Variants in MESP1 observed in about 807,000 individuals in gnomAD.
The protein encoded by MESP1 is mesoderm posterior bHLH transcription factor 1.
In MESP1, 22 loss-of-function variants were observed where a neutral mutation model predicts 15.2. The ratio of observed to expected loss-of-function variants is 1.45; its 90% CI spans 1.04 to 2.07. The LOEUF (loss-of-function observed/expected upper bound fraction) is 2.07, where lower values mean the gene tolerates loss of function less well. Among genes scored for constraint, MESP1 ranks in the 30% most tolerant of loss-of-function variants. The pLI is 0.00. For synonymous variants in MESP1, 216 were observed against 192.6 expected, an observed-to-expected ratio of 1.12 and a Z score of -1.01; for missense variants, 484 against 411.9, an observed-to-expected ratio of 1.17 and a Z score of -1.51.
chr15:89,746,689 A>C (rs1043857004), downstream of MESP1, among the ~76,000 whole-genome samples: 1 of 138,420 alleles, frequency 7.2e-6, no homozygotes, highest in Non-Finnish European at 1.6e-5. Flanking sequence ...GCACCTCCAC[A>C]CACACACACA....
At chr15:89,736,873 G>A in the MESP1 span, among the ~76,000 whole-genome samples, 1 of 151,114 alleles carries the variant, frequency 6.6e-6, no homozygotes, top group Non-Finnish European at 1.5e-5. Flanking sequence ...CTCACTGCAA[G>A]CTCTGCCTCC....
the MESP1 span, chr15:89,737,651 C>T: frequency 6.2e-7 from 1 of 1,614,210 alleles, no homozygotes; most frequent in Non-Finnish European, 8.5e-7. Flanking sequence ...CTTTGCCCCT[C>T]CGGGAGCCTT....
At chr15:89,734,738 A>T in the MESP1 span, among the ~76,000 whole-genome samples, 1 of 152,160 alleles carries the variant, frequency 6.6e-6, no homozygotes, top group Non-Finnish European at 1.5e-5. Flanking sequence ...TAATCCAAGC[A>T]CTTTGGGAGG....
In MESP1 at chr15:89,750,875, G is replaced by T. The variant is rs281865535; in HGVS notation, c.357C>A (p.Ser119Arg). 2 of 1,511,916 alleles carry T rather than the reference G, an allele frequency of 1.3e-6. No individual in the cohort carries two copies. Among genetic ancestry groups the T allele is most frequent in the African/African-American group, 1.4e-5 (1 of 69,404 alleles). 93.7% of individuals were successfully genotyped at this position (1,511,916 alleles called of 1,614,324 possible). A position where few individuals can be genotyped will look rare whatever the true frequency, so the allele number is the denominator to read the frequency against. ...LPPSVAPAGQ[S>R]LTKIETLRLA... ...GGCGCAGCGTCTCGATCTTGGTCAG[G>T]CTCTGGCCCGCGGGCGCCACGGACG... is the stretch of plus-strand genomic sequence containing the variant. Residue 119 changes from serine (S) to arginine (R), a missense_variant, in exon 1 of 2, where the codon AGC becomes AGA. Ser to Arg is a moderately radical substitution (Grantham distance 110). Coordinates refer to ENST00000300057, the MANE Select transcript of MESP1 (RefSeq NM_018670.4).
At chr15:89,749,673 C>T (rs74508326), downstream of MESP1, 3,163 of 158,196 alleles carry the variant, frequency 0.02, 119 homozygotes, top group African/African-American at 0.072. Context: ...TGCCTTCTCA[C>T]AGGACGTCCC....
the MESP1 span, among the ~76,000 whole-genome samples, chr15:89,744,106 T>C: frequency 6.6e-5 from 10 of 152,318 alleles, no homozygotes; most frequent in South Asian, 2.1e-4. Context: ...GTGTGGAACC[T>C]TGGAGGCTGA....
chr15:89,750,504 CT>C lies in MESP1; in HGVS notation c.723+4del. On this transcript the variant is annotated splice_donor_region_variant and intron_variant, in intron 1 of 1. Coordinates refer to ENST00000300057, the MANE Select transcript of MESP1 (RefSeq NM_018670.4). ...CGAAGGGGGCGCGGGGAAGGGGACA[CT>C]AACCGGGGACGGTGGGCTTGGCTCC... 1 of 1,500,570 alleles carries C rather than the reference CT, an allele frequency of 6.7e-7. No homozygotes were observed. The highest frequency in any genetic ancestry group is 1.4e-5 in the African/African-American group (1 of 71,704). 93.0% of individuals were successfully genotyped at this position (1,500,570 alleles called of 1,614,324 possible).
chr15:89,734,962 TTCCTTCCTTCCTTCCCTCCGTCCC>T, the MESP1 span, among the ~76,000 whole-genome samples: 61 of 152,126 alleles, frequency 4.0e-4, no homozygotes, highest in South Asian at 6.2e-4. Flanking sequence ...CCAACTTGTC[TTCCTTCCTTCCTTCCCTCCGTCCC>T]TCCTTCCTTC....
chr15:89,747,505 T>C (rs1289007812), downstream of MESP1, among the ~76,000 whole-genome samples: 1 of 152,210 alleles, frequency 6.6e-6, no homozygotes, highest in East Asian at 1.9e-4. Context: ...CGGGCACCCC[T>C]GTGCCGGTGC....
chr15:89,732,949 C>A, the MESP1 span: 1 of 1,536,794 alleles, frequency 6.5e-7, no homozygotes, highest in Non-Finnish European at 9.0e-7. Context: ...GCCCCTGTGC[C>A]CATGGCCTCC....
intron 1 of MESP1, 29 bp downstream of exon 1, chr15:89,750,480 G>C: frequency 6.7e-7 from 1 of 1,485,818 alleles, no homozygotes; most frequent in Non-Finnish European, 8.9e-7. Context: ...GGGCACGGAC[G>C]AAGGGGGCGC....
the MESP1 span, among the ~76,000 whole-genome samples, chr15:89,740,843 A>T: frequency 6.6e-6 from 1 of 152,000 alleles, no homozygotes; most frequent in Non-Finnish European, 1.5e-5. Flanking sequence ...TTACTTTTTT[A>T]AAAAGTGTTA....
downstream of MESP1, chr15:89,749,439 A>T (rs1379529941): frequency 6.6e-6 from 1 of 152,242 alleles, no homozygotes; most frequent in Non-Finnish European, 1.5e-5. Context: ...ACATGTATGG[A>T]GCTGGCAAAA....
chr15:89,740,484 G>T, the MESP1 span, among the ~76,000 whole-genome samples: 1 of 151,996 alleles, frequency 6.6e-6, no homozygotes, highest in East Asian at 1.9e-4. Context: ...TCTTCACAGG[G>T]AGGGTTTTTG....
chr15:89,737,440 T>C, the MESP1 span: 1 of 1,231,642 alleles, frequency 8.1e-7, no homozygotes, highest in South Asian at 1.4e-5. Context: ...CCTGGATGGA[T>C]CCAGAGGCTG....
chr15:89,747,183 C>T (rs975903384), downstream of MESP1, among the ~76,000 whole-genome samples: 50 of 152,028 alleles, frequency 3.3e-4, no homozygotes, highest in Admixed American at 1.4e-3. Context: ...CAAAGACAGG[C>T]TTCACCAACC....
the MESP1 span, chr15:89,733,209 C>T: frequency 2.5e-6 from 4 of 1,613,484 alleles, no homozygotes; most frequent in Admixed American, 1.7e-5. Flanking sequence ...CATCAGTGTG[C>T]TTGTTGAGAG....
chr15:89,735,192 T>G, the MESP1 span, among the ~76,000 whole-genome samples: 2 of 152,148 alleles, frequency 1.3e-5, no homozygotes, highest in Non-Finnish European at 2.9e-5. Context: ...TTTTCAATGG[T>G]ATTTATTCTG....
chr15:89,749,523 A>C (rs1446673992), downstream of MESP1: 1 of 152,296 alleles, frequency 6.6e-6, no homozygotes, highest in East Asian at 1.9e-4. Flanking sequence ...CTTCTGTAAA[A>C]TGGTTACTTG....
Sources: allele counts gnomAD v4.1 joint callset (sites outside exome capture counted in the v4.1 genomes callset), GRCh38; gene constraint gnomAD v4.1.1; transcripts MANE v1.5; gene names NCBI Gene and HGNC (gene_info 2026-07-23, HGNC 2026-07-21).